Variants in ITPRID1 observed in about 807,000 individuals in gnomAD.
ITPRID1 encodes ITPR interacting domain containing 1, also known as protein ITPRID1.
Under a neutral mutation model 95.4 loss-of-function variants are expected in ITPRID1, and 96 were observed. That is an observed-to-expected ratio of 1.01 (90% CI 0.85 to 1.19). ITPRID1 has a LOEUF of 1.19. Among genes scored for constraint, ITPRID1 ranks in the 50% most tolerant of loss-of-function variants. The probability of loss-of-function intolerance (pLI) is 0.00; values close to 1 mark genes in which losing one functional copy is unlikely to be tolerated. For missense variants in ITPRID1, 1,339 were observed against 1,252.9 expected (o/e 1.07, Z -1.04); for synonymous variants, 510 against 453.6 (o/e 1.12, Z -1.58).
At chr7:31,581,753 A>C (rs1390911030) in intron 9 of ITPRID1, among the ~76,000 whole-genome samples, 3 of 152,090 alleles carry the variant, frequency 2.0e-5, no homozygotes, top group East Asian at 1.9e-4. Context: ...TGTGCTTCAC[A>C]TTGCCCTAAG....
At chr7:31,550,370 G>A (rs1784244269) in intron 2 of ITPRID1, among the ~76,000 whole-genome samples, 1 of 152,058 alleles carries the variant, frequency 6.6e-6, no homozygotes, top group Admixed American at 6.6e-5. Context: ...CCAGAATGAG[G>A]ATTCCTCTTG....
intron 8 of ITPRID1, among the ~76,000 whole-genome samples, chr7:31,577,623 G>A (rs923858940): frequency 1.2e-4 from 19 of 152,092 alleles, no homozygotes; most frequent in African/African-American, 3.9e-4. Context: ...ATAGTTATGC[G>A]TATTCAACTA....
chr7:31,640,305 G>C (rs917382650), intron 10 of ITPRID1, among the ~76,000 whole-genome samples: 1 of 152,090 alleles, frequency 6.6e-6, no homozygotes, highest in African/African-American at 2.4e-5. Flanking sequence ...CTTTCTGATG[G>C]TTCTCTTCCC....
chr7:31,526,349 C>G (rs1055198989), intron 1 of ITPRID1, among the ~76,000 whole-genome samples: 1 of 152,154 alleles, frequency 6.6e-6, no homozygotes, highest in Non-Finnish European at 1.5e-5. Context: ...AGCATTTGTA[C>G]TTTTTGAGCT....
At chr7:31,556,271 G>T (rs1784442422) in intron 5 of ITPRID1, among the ~76,000 whole-genome samples, 2 of 152,088 alleles carry the variant, frequency 1.3e-5, no homozygotes, top group Non-Finnish European at 2.9e-5. Flanking sequence ...GATTTGCCAG[G>T]TCCTTTATCT....
intron 5 of ITPRID1, among the ~76,000 whole-genome samples, chr7:31,559,040 A>G (rs17160265): frequency 0.22 from 33,954 of 152,064 alleles, 3,932 homozygotes; most frequent in East Asian, 0.33. Flanking sequence ...ATTTGCCTCA[A>G]TTTTCACCAG....
At chr7:31,634,006 A>G (rs1789249724) in intron 10 of ITPRID1, among the ~76,000 whole-genome samples, 2 of 152,190 alleles carry the variant, frequency 1.3e-5, no homozygotes, top group Admixed American at 1.3e-4. Flanking sequence ...AGCCCAGCCC[A>G]GAAAAGCAGG....
At chr7:31,576,343 A>G (rs1275185473) in intron 8 of ITPRID1, among the ~76,000 whole-genome samples, 1 of 152,234 alleles carries the variant, frequency 6.6e-6, no homozygotes, top group Non-Finnish European at 1.5e-5. Flanking sequence ...ACCCAAAGGC[A>G]AAAATAAAAG....
intron 10 of ITPRID1, among the ~76,000 whole-genome samples, chr7:31,612,673 T>C (rs1351797336): frequency 6.6e-6 from 1 of 152,122 alleles, no homozygotes; most frequent in Non-Finnish European, 1.5e-5. Context: ...TTTCTGAAGG[T>C]CTCTGTGTTT....
rs766994364 is a variant in ITPRID1 at position 31,652,741 on chromosome 7, C to T, written c.3047C>T (p.Ser1016Phe). The change falls in exon 15 of 15, where the codon TCT becomes TTT. Residue 1016 changes from serine to phenylalanine, a missense_variant. Physicochemically the swap from Ser to Phe is radical, Grantham distance 155. Coordinates refer to ENST00000615280, the MANE Select transcript of ITPRID1 (RefSeq NM_001257967.3). ...PPTLENSTRM[S>F]PSSSAWAKLG... ...ACCTTGGAGAACAGCACCAGGATGTCTCCTTCATCATCAGCTTGGGCAAAG... is the reference window on the plus strand; with the variant it reads ...ACCTTGGAGAACAGCACCAGGATGTTTCCTTCATCATCAGCTTGGGCAAAG... The T allele has an allele frequency of 6.2e-7, 1 of 1,613,968 alleles. No homozygotes were observed. The highest frequency in any genetic ancestry group is 8.5e-7 in the Non-Finnish European group (1 of 1,179,886).
intron 5 of ITPRID1, among the ~76,000 whole-genome samples, chr7:31,568,503 A>C (rs1275458464): frequency 6.6e-6 from 1 of 152,182 alleles, no homozygotes; most frequent in Non-Finnish European, 1.5e-5. Context: ...CACACACGTC[A>C]CACATTTGCA....
At chr7:31,594,875 A>AG (rs1050652452) in intron 10 of ITPRID1, among the ~76,000 whole-genome samples, 9 of 151,992 alleles carry the variant, frequency 5.9e-5, no homozygotes, top group Non-Finnish European at 1.3e-4. Context: ...AGAAAAAAAA[A>AG]GGGGGAGCTT....
intron 10 of ITPRID1, among the ~76,000 whole-genome samples, chr7:31,605,813 G>A (rs1036741778): frequency 6.6e-6 from 1 of 152,286 alleles, no homozygotes. Context: ...GGGAAGAGAG[G>A]TTGGAAAGTG....
At chr7:31,587,611 C>A (rs1035657504) in intron 10 of ITPRID1, among the ~76,000 whole-genome samples, 10 of 150,260 alleles carry the variant, frequency 6.7e-5, no homozygotes, top group South Asian at 2.1e-4. Flanking sequence ...GCTACCAATG[C>A]CTTTCTTCAC....
intron 12 of ITPRID1, among the ~76,000 whole-genome samples, chr7:31,649,089 G>GCAAAATTA (rs1364795102): frequency 1.3e-5 from 2 of 152,196 alleles, no homozygotes; most frequent in African/African-American, 4.8e-5. Context: ...TTGCAAAATT[G>GCAAAATTA]CAAAATTGAT....
chr7:31,527,239 A>C (rs12701109), intron 1 of ITPRID1, among the ~76,000 whole-genome samples: 27,486 of 152,092 alleles, frequency 0.18, 2,942 homozygotes, highest in Middle Eastern at 0.25. Context: ...AGTTAATTAC[A>C]TTACTGAGTT....
intron 10 of ITPRID1, among the ~76,000 whole-genome samples, chr7:31,635,847 T>G (rs577033738): frequency 1.3e-5 from 2 of 152,260 alleles, no homozygotes; most frequent in South Asian, 4.1e-4. Flanking sequence ...CCTAGGTGAT[T>G]GGCCGATAGG....
chr7:31,635,799 G>A (rs1278592916), intron 10 of ITPRID1, among the ~76,000 whole-genome samples: 2 of 152,038 alleles, frequency 1.3e-5, no homozygotes, highest in Non-Finnish European at 2.9e-5. Flanking sequence ...TCAGAGGAGA[G>A]GAACAGGAAA....
At chr7:31,635,284 A>G (rs1789377772) in intron 10 of ITPRID1, among the ~76,000 whole-genome samples, 1 of 152,224 alleles carries the variant, frequency 6.6e-6, no homozygotes, top group South Asian at 2.1e-4. Flanking sequence ...TACTCTATAA[A>G]GAGAAAGGAT....
Sources: allele counts gnomAD v4.1 joint callset (sites outside exome capture counted in the v4.1 genomes callset), GRCh38; gene constraint gnomAD v4.1.1; transcripts MANE v1.5; gene names NCBI Gene and HGNC (gene_info 2026-07-23, HGNC 2026-07-21).